The following TAMM41 variants were observed in gnomAD, a reference collection of about 807,000 sequenced individuals.
TAMM41 encodes the protein phosphatidate cytidylyltransferase, mitochondrial.
TAMM41 carries 36 observed loss-of-function variants against 44.1 expected under a neutral mutation model. That is an observed-to-expected ratio of 0.82 (90% CI 0.63 to 1.08). The LOEUF (loss-of-function observed/expected upper bound fraction) is 1.08. Among genes scored for constraint, TAMM41 ranks in the 50% least tolerant of loss-of-function variants. TAMM41 has a pLI of 0.00. For missense variants in TAMM41, 417 were observed against 404.3 expected (o/e 1.03, Z -0.27); for synonymous variants, 164 against 153.1 (o/e 1.07, Z -0.53).
chr3:11,784,837 C>T, the TAMM41 span, among the ~76,000 whole-genome samples: 1 of 134,206 alleles, frequency 7.5e-6, no homozygotes. Flanking sequence ...GAGTCTCGCT[C>T]TGTCCCCCAG....
intron 7 of TAMM41, among the ~76,000 whole-genome samples, chr3:11,802,330 A>C (rs1481807046): frequency 6.6e-6 from 1 of 152,204 alleles, no homozygotes; most frequent in Non-Finnish European, 1.5e-5. Flanking sequence ...CAAGACAAGA[A>C]GAGATACAAA....
At chr3:11,741,895 T>C in the TAMM41 span, among the ~76,000 whole-genome samples, 1 of 149,980 alleles carries the variant, frequency 6.7e-6, no homozygotes, top group African/African-American at 2.5e-5. Context: ...GGCTGCTAGA[T>C]GGCTAATGGG....
chr3:11,823,254 G>GTTGT (rs2078598875), intron 4 of TAMM41, among the ~76,000 whole-genome samples: 1 of 126,762 alleles, frequency 7.9e-6, no homozygotes, highest in African/African-American at 2.9e-5. Context: ...TGTTGTTGTT[G>GTTGT]TTTTTTTTTT....
intron 5 of TAMM41, among the ~76,000 whole-genome samples, chr3:11,813,760 GCCAA>G (rs1366739398): frequency 6.6e-6 from 1 of 151,654 alleles, no homozygotes; most frequent in East Asian, 1.9e-4. Flanking sequence ...ACCAGCCAGG[GCCAA>G]CAAAGTGGGA....
At chr3:11,774,870 A>AT in the TAMM41 span, among the ~76,000 whole-genome samples, 33,288 of 139,112 alleles carry the variant, frequency 0.24, 6,666 homozygotes, top group East Asian at 0.61. Context: ...CATTGAAAGC[A>AT]TTTTTTTTTT....
intron 7 of TAMM41, among the ~76,000 whole-genome samples, chr3:11,797,721 G>T (rs909925652): frequency 7.2e-5 from 11 of 152,064 alleles, no homozygotes; most frequent in African/African-American, 2.7e-4. Flanking sequence ...CTAGGAAATG[G>T]GAGAAAATTT....
chr3:11,831,484 A>G (rs1040803015), intron 3 of TAMM41, among the ~76,000 whole-genome samples: 2 of 152,224 alleles, frequency 1.3e-5, no homozygotes, highest in Non-Finnish European at 2.9e-5. Flanking sequence ...AAGGACTCTC[A>G]TATGTCTAAA....
At chr3:11,723,129 A>G in the TAMM41 span, among the ~76,000 whole-genome samples, 1 of 151,982 alleles carries the variant, frequency 6.6e-6, no homozygotes, top group African/African-American at 2.4e-5. Flanking sequence ...AAAATAAAAT[A>G]AAATAAAAAC....
At chr3:11,767,626 A>ATTTTTTTTTGTTTTTTTT in the TAMM41 span, among the ~76,000 whole-genome samples, 1 of 60,692 alleles carries the variant, frequency 1.6e-5, no homozygotes, top group Non-Finnish European at 3.1e-5. Context: ...CACGTTGTGC[A>ATTTTTTTTTGTTTTTTTT]TTTTTTTTTT....
intron 2 of TAMM41, among the ~76,000 whole-genome samples, chr3:11,842,506 C>T (rs1169876941): frequency 3.3e-5 from 5 of 151,274 alleles, no homozygotes; most frequent in Non-Finnish European, 5.9e-5. Flanking sequence ...CCAGCCTGGG[C>T]AACATGGCAA....
At chr3:11,735,897 C>T in the TAMM41 span, among the ~76,000 whole-genome samples, 1,361 of 152,094 alleles carry the variant, frequency 8.9e-3, 27 homozygotes, top group African/African-American at 0.031. Context: ...TTCCAAACCA[C>T]GCAGGGCCCA....
chr3:11,729,525 CTTTTCTTTCTTTCATT>C, the TAMM41 span, among the ~76,000 whole-genome samples: 1 of 58,374 alleles, frequency 1.7e-5, no homozygotes, highest in East Asian at 7.2e-4. Flanking sequence ...TTCTTTCTTT[CTTTTCTTTCTTTCATT>C]TTTTTTTTTT....
At position 11,809,669 on chromosome 3, in the gene TAMM41, G is replaced by T. The variant is rs1559281855; in HGVS notation, c.722C>A (p.Pro241Gln). 2.5e-6 allele frequency: 4 copies of T among 1,611,770 alleles called. No homozygotes were observed. The highest frequency in any genetic ancestry group is 3.4e-6 in the Non-Finnish European group (4 of 1,179,584). Reference sequence around the variant, plus strand: ...CATCAGCTGAGTGAACTGTCCTTCTGGGCTTTTATCTATCTGAAGGGAGGA... The same window carrying T: ...CATCAGCTGAGTGAACTGTCCTTCTTGGCTTTTATCTATCTGAAGGGAGGA... ...QQGWLEIDKS[P>Q]EGQFTQLMTL... The change falls in exon 6 of 8, where the codon CCA (proline) becomes CAA (glutamine). Residue 241 changes from proline to glutamine, a missense_variant. Transcript: ENST00000455809.
chr3:11,808,234 T>A, intron 6 of TAMM41: 2 of 1,105,456 alleles, frequency 1.8e-6, no homozygotes, highest in Non-Finnish European at 2.2e-6. Context: ...CTCAATTCCA[T>A]AACATGAAAA....
rs966845354 is a variant in TAMM41 at position 11,823,983 on chromosome 3, A to G, written c.562+5731T>C. ...TGGGATTACAGGTGCACACCACCAC[A>G]TCCAACTAATTTTTTGTATTTTCAA... On this transcript the variant is annotated intron_variant, in intron 4 of 7. Coordinates refer to ENST00000455809, the MANE Select transcript of TAMM41 (RefSeq NM_001284401.2). Among the ~76,000 whole-genome samples the G allele has an allele frequency of 5.3e-5, 8 of 150,224 alleles. No homozygotes were observed. The East Asian group carries it at 6.0e-4, about 11-fold the overall frequency.
chr3:11,774,937 C>T, the TAMM41 span, among the ~76,000 whole-genome samples: 3 of 147,700 alleles, frequency 2.0e-5, no homozygotes, highest in East Asian at 4.0e-4. Flanking sequence ...GGTGCGATCT[C>T]GGCTTACCGC....
intron 2 of TAMM41, among the ~76,000 whole-genome samples, chr3:11,841,951 G>A (rs1218336054): frequency 6.6e-6 from 1 of 152,158 alleles, no homozygotes; most frequent in Non-Finnish European, 1.5e-5. Context: ...GCAAATATAT[G>A]GCCCAAGGGG....
chr3:11,828,515 C>T lies in TAMM41; in HGVS notation c.562+1199G>A, dbSNP rs537299949. Among the ~76,000 whole-genome samples the T allele has an allele frequency of 2.2e-4, 34 of 152,296 alleles. No homozygotes were observed. In the Middle Eastern group the frequency reaches 0.01, roughly 46 times the overall value. ...CAAGTCAGCTTTCATAAAAGGCTTC[C>T]GTTCCATCATTTTTCACAGGGGAGT... On this transcript the variant is annotated intron_variant, in intron 4 of 7. Coordinates refer to ENST00000455809, the MANE Select transcript of TAMM41 (RefSeq NM_001284401.2).
At chr3:11,815,988 A>C (rs1446976630) in intron 5 of TAMM41, among the ~76,000 whole-genome samples, 2 of 152,164 alleles carry the variant, frequency 1.3e-5, no homozygotes, top group African/African-American at 4.8e-5. Flanking sequence ...AAAAACCTCA[A>C]CCTGAACCAA....
Sources: allele counts gnomAD v4.1 joint callset (sites outside exome capture counted in the v4.1 genomes callset), GRCh38; gene constraint gnomAD v4.1.1; transcripts MANE v1.5; gene names NCBI Gene and HGNC (gene_info 2026-07-23, HGNC 2026-07-21).